NUBPL: variants seen among roughly 807,000 people sequenced by gnomAD.
The protein encoded by NUBPL is iron-sulfur cluster transfer protein NUBPL.
Under a neutral mutation model 45.7 loss-of-function variants are expected in NUBPL, and 31 were observed. That is an observed-to-expected ratio of 0.68 (90% CI 0.51 to 0.92). The LOEUF is 0.92. Ranked by LOEUF, NUBPL falls within the 40% of genes least tolerant of loss-of-function variation. NUBPL has a pLI of 0.00. For synonymous variants in NUBPL, 144 were observed against 140.9 expected (o/e 1.02, Z -0.15); for missense variants, 401 against 398.7 (o/e 1.01, Z -0.05).
chr14:31,799,318 T>A (rs1289401120), intron 7 of NUBPL, among the ~76,000 whole-genome samples: 8 of 152,172 alleles, frequency 5.3e-5, no homozygotes, highest in African/African-American at 1.7e-4. Flanking sequence ...ATTCATTATC[T>A]TATTTGATCC....
intron 4 of NUBPL, among the ~76,000 whole-genome samples, chr14:31,606,929 T>C (rs1231174142): frequency 6.6e-6 from 1 of 152,218 alleles, no homozygotes; most frequent in Non-Finnish European, 1.5e-5. Context: ...GCTGTCTTTG[T>C]GAGGAGGATG....
At chr14:31,720,268 CAAT>C (rs934862297) in intron 6 of NUBPL, among the ~76,000 whole-genome samples, 4 of 152,198 alleles carry the variant, frequency 2.6e-5, no homozygotes, top group African/African-American at 4.8e-5. Flanking sequence ...TGGAGTACTG[CAAT>C]AATAACGTGC....
chr14:31,820,765 A>C (rs1190220561), intron 7 of NUBPL, among the ~76,000 whole-genome samples: 1 of 140,256 alleles, frequency 7.1e-6, no homozygotes, highest in Non-Finnish European at 1.5e-5. Flanking sequence ...TGGAGGTTGC[A>C]GTGAGACGAG....
At chr14:31,785,478 A>T (rs746926181) in intron 6 of NUBPL, among the ~76,000 whole-genome samples, 1 of 152,154 alleles carries the variant, frequency 6.6e-6, no homozygotes, top group Non-Finnish European at 1.5e-5. Context: ...TCCTTGTGAA[A>T]ATCTAATGAT....
At chr14:31,592,591 C>G (rs1432059520) in intron 3 of NUBPL, among the ~76,000 whole-genome samples, 1 of 151,598 alleles carries the variant, frequency 6.6e-6, no homozygotes, top group East Asian at 1.9e-4. Flanking sequence ...ACACATAAGG[C>G]AGAATGTTTA....
At chr14:31,598,251 G>A (rs1010071945) in intron 3 of NUBPL, among the ~76,000 whole-genome samples, 1 of 152,122 alleles carries the variant, frequency 6.6e-6, no homozygotes, top group Admixed American at 6.5e-5. Context: ...TATGTTCATA[G>A]GAACCAGATA....
intron 6 of NUBPL, among the ~76,000 whole-genome samples, chr14:31,735,581 C>T (rs1397302932): frequency 3.3e-5 from 5 of 152,136 alleles, no homozygotes; most frequent in Non-Finnish European, 7.4e-5. Context: ...TGGCCAGGCG[C>T]GGTGGCTCAC....
chr14:31,676,455 G>GT lies in NUBPL; in HGVS notation c.513+2891dup, dbSNP rs879731590. 1.4e-3 allele frequency among the ~76,000 whole-genome samples: 203 copies of GT among 147,556 alleles called. 4 individuals carry two copies. The Middle Eastern group carries it at 0.028, about 21-fold the overall frequency. Reference sequence around the variant, plus strand: ...TTCCATTGTATGAATATAATAAAATGTTTTTTTTTTCTGTTGATGAATATT... The same window carrying GT: ...TTCCATTGTATGAATATAATAAAATGTTTTTTTTTTTCTGTTGATGAATATT... On this transcript the variant is annotated intron_variant, in intron 6 of 10. Coordinates refer to ENST00000281081, the MANE Select transcript of NUBPL (RefSeq NM_025152.3).
Position 31,832,071 on chromosome 14 carries a change from A to G in NUBPL, c.693+5357A>G, listed in dbSNP as rs74632789. Among the ~76,000 whole-genome samples the G allele has an allele frequency of 3.7e-3, 568 of 152,308 alleles. 11 individuals carry two copies. The highest frequency in any genetic ancestry group is 0.026 in the East Asian group (136 of 5,180). Reference sequence around the variant, plus strand: ...GCTCTTAGGAAGACAGTCTTATTTCATAAAGATTTGGTCTCAAGTATAAAT... The same window carrying G: ...GCTCTTAGGAAGACAGTCTTATTTCGTAAAGATTTGGTCTCAAGTATAAAT... On this transcript the variant is annotated intron_variant, in intron 8 of 10. Transcript: ENST00000281081.
rs117925717 is a variant in NUBPL at position 31,834,817 on chromosome 14, A to G, written c.693+8103A>G. Among the ~76,000 whole-genome samples the G allele has an allele frequency of 4.0e-3, 608 of 152,256 alleles. 3 individuals carry two copies. The highest frequency in any genetic ancestry group is 4.4e-3 in the Non-Finnish European group (299 of 68,016). ...TTAAATAACTTACATAAGAATATCT[A>G]TTTGTTTAGTGGGACATCTGGGCTC... On this transcript the variant is annotated intron_variant, in intron 8 of 10. Coordinates refer to ENST00000281081, the MANE Select transcript of NUBPL (RefSeq NM_025152.3).
chr14:31,601,194 T>C (rs2139563647), intron 4 of NUBPL, among the ~76,000 whole-genome samples: 1 of 152,330 alleles, frequency 6.6e-6, no homozygotes, highest in Middle Eastern at 3.4e-3. Context: ...GCGTGATGCC[T>C]CCAGCTTTGT....
chr14:31,605,890 T>TCTCCTCCTCCCTTCTCCTTCCTTCTCTC (rs1566442992), intron 4 of NUBPL, among the ~76,000 whole-genome samples: 1 of 137,522 alleles, frequency 7.3e-6, no homozygotes, highest in Non-Finnish European at 1.6e-5. Context: ...CTCCTCCTTG[T>TCTCCTCCTCCCTTCTCCTTCCTTCTCTC]CTCCTCCCTT....
chr14:31,702,540 T>C (rs570820119), intron 6 of NUBPL, among the ~76,000 whole-genome samples: 4 of 152,224 alleles, frequency 2.6e-5, no homozygotes, highest in Non-Finnish European at 5.9e-5. Context: ...ACAGAAATAA[T>C]GTGAATAATA....
chr14:31,731,969 G>T (rs149555690), intron 6 of NUBPL, among the ~76,000 whole-genome samples: 1 of 151,882 alleles, frequency 6.6e-6, no homozygotes, highest in African/African-American at 2.4e-5. Flanking sequence ...TTGAGAGGCC[G>T]AGGCGGGCGG....
intron 8 of NUBPL, among the ~76,000 whole-genome samples, chr14:31,830,434 T>A (rs2040170789): frequency 6.6e-6 from 1 of 152,244 alleles, no homozygotes; most frequent in Admixed American, 6.5e-5. Flanking sequence ...GATGACTTTA[T>A]GGAAAAGCCA....
rs112695681 is a variant in NUBPL, at chr14:31,723,322, C to T, written c.513+49748C>T. Among the ~76,000 whole-genome samples, 27 of 152,242 alleles carry T rather than the reference C, an allele frequency of 1.8e-4. 1 individual carries two copies. The highest frequency in any genetic ancestry group is 5.8e-4 in the African/African-American group (24 of 41,552). On this transcript the variant is annotated intron_variant, in intron 6 of 10. Transcript: ENST00000281081. Reference sequence around the variant, plus strand: ...CTATGCACCTGTTTTTGTACCAGTACCATGTTGTTTTGGTTACTGTAGCCC... The same window carrying T: ...CTATGCACCTGTTTTTGTACCAGTATCATGTTGTTTTGGTTACTGTAGCCC...
At chr14:31,601,538 C>T (rs2034434131) in intron 4 of NUBPL, among the ~76,000 whole-genome samples, 1 of 151,672 alleles carries the variant, frequency 6.6e-6, no homozygotes, top group Admixed American at 6.6e-5. Flanking sequence ...AACAAATTTA[C>T]AAGAAAAAAA....
Position 31,798,303 on chromosome 14 carries a change from G to GTTT in NUBPL, c.607+10446_607+10448dup, listed in dbSNP as rs71115031. 1.0e-3 allele frequency among the ~76,000 whole-genome samples: 110 copies of GTTT among 107,242 alleles called. 2 individuals are homozygous for GTTT. The highest frequency in any genetic ancestry group is 1.2e-3 in the Non-Finnish European group (71 of 57,988). The allele number at this position is 107,242 out of a possible 152,430, so 70.4% of individuals were successfully genotyped here. A position where few individuals can be genotyped will look rare whatever the true frequency, so the allele number is the denominator to read the frequency against. On this transcript the variant is annotated intron_variant, in intron 7 of 10. Transcript: ENST00000281081. ...CTTTCATTTTAGGTATTTATTTATG[G>GTTT]TTTTTTTTTTTTTTTTTTGCTGTGC...
intron 7 of NUBPL, among the ~76,000 whole-genome samples, chr14:31,793,120 A>G (rs2039412534): frequency 6.6e-6 from 1 of 152,142 alleles, no homozygotes; most frequent in Non-Finnish European, 1.5e-5. Context: ...TCCCATAAAC[A>G]ACATAAGCTC....
Sources: allele counts gnomAD v4.1 joint callset (sites outside exome capture counted in the v4.1 genomes callset), GRCh38; gene constraint gnomAD v4.1.1; transcripts MANE v1.5; gene names NCBI Gene and HGNC (gene_info 2026-07-23, HGNC 2026-07-21).